The following C11orf58 variants were observed in gnomAD, a reference collection of about 807,000 sequenced individuals.
The protein encoded by C11orf58 is chromosome 11 open reading frame 58.
A neutral mutation model predicts 22.7 loss-of-function variants in C11orf58; 5 were observed. The observed-to-expected ratio is 0.22, with a 90% CI of 0.12 to 0.46. C11orf58 has a LOEUF of 0.46. C11orf58 is among the 20% of genes least tolerant of loss of function. C11orf58 has a pLI of 0.99. For missense variants in C11orf58, 151 were observed against 223.3 expected (o/e 0.68, Z 2.06); for synonymous variants, 71 against 70.7 (o/e 1.00, Z -0.02).
In C11orf58 at chr11:16,748,173, GTAATTAAAATGGAAGTGC is replaced by G; in HGVS notation, c.208+20_208+37del. 1 of 1,599,348 alleles carries G rather than the reference GTAATTAAAATGGAAGTGC, an allele frequency of 6.3e-7. No individual in the cohort carries two copies. The highest frequency in any genetic ancestry group is 8.6e-7 in the Non-Finnish European group (1 of 1,166,918). On this transcript the variant is annotated intron_variant, in intron 3 of 4. Coordinates refer to ENST00000228136, the MANE Select transcript of C11orf58 (RefSeq NM_014267.6). ...TTCCGAACCGGTAAGAAAGTAAAGT[GTAATTAAAATGGAAGTGC>G]TAAATTCAGAATATGAAGTATGTGT...
chr11:16,738,964 C>A, intron 1 of C11orf58, 123 bp downstream of exon 1: 1 of 1,046,592 alleles, frequency 9.6e-7, no homozygotes, highest in Non-Finnish European at 1.4e-6. Flanking sequence ...AGGGAAGAAA[C>A]CAGAAGAATG....
chr11:16,741,058 T>C (rs1027278620), intron 1 of C11orf58, among the ~76,000 whole-genome samples: 1 of 147,994 alleles, frequency 6.8e-6, no homozygotes, highest in African/African-American at 2.5e-5. Flanking sequence ...ATGGCGCCAC[T>C]GCACTCCAGC....
At chr11:16,745,143 G>A (rs541927962) in intron 2 of C11orf58, among the ~76,000 whole-genome samples, 1 of 152,168 alleles carries the variant, frequency 6.6e-6, no homozygotes, top group African/African-American at 2.4e-5. Context: ...CACTTTCAGA[G>A]ATTATTTCTA....
chr11:16,756,883 G>C lies in C11orf58; in HGVS notation c.*1779G>C, dbSNP rs1196643114. 1 of 125,258 alleles carries C rather than the reference G, an allele frequency of 8.0e-6. No individual in the cohort carries two copies. The highest frequency in any genetic ancestry group is 1.7e-5 in the Non-Finnish European group (1 of 58,016). The allele number at this position is 125,258 out of a possible 1,614,324, so 7.8% of individuals were successfully genotyped here. Reference sequence around the variant, plus strand: ...AGATCACCCCATTGCACTCCAGCCTGGGCAACAAGAGCAAAACTCCATCTC... The same window carrying C: ...AGATCACCCCATTGCACTCCAGCCTCGGCAACAAGAGCAAAACTCCATCTC... On this transcript the variant is annotated 3_prime_UTR_variant, in exon 5 of 5. Transcript: ENST00000228136.
In C11orf58 at chr11:16,754,547, CTTTTTTTTTTTTTTTTTTTTTTT is replaced by C. The variant is rs573626223; in HGVS notation, c.319-308_319-286del. 3.2e-3 allele frequency among the ~76,000 whole-genome samples: 100 copies of C among 31,500 alleles called. 1 individual carries two copies. The highest frequency in any genetic ancestry group is 4.3e-3 in the Non-Finnish European group (65 of 15,290). 20.7% of individuals were successfully genotyped at this position (31,500 alleles called of 152,430 possible). On this transcript the variant is annotated intron_variant, in intron 4 of 4. Transcript: ENST00000228136. ...TTTTAGTTTCTCTCTCTCTCTCTCC[CTTTTTTTTTTTTTTTTTTTTTTT>C]TTTTTTTTTTTTTTTAAGAGACAGG... is the stretch of plus-strand genomic sequence containing the variant.
At chr11:16,750,259 AG>A (rs1181604102) in intron 3 of C11orf58, 1 of 152,282 alleles carries the variant, frequency 6.6e-6, no homozygotes, top group Non-Finnish European at 1.5e-5. Flanking sequence ...AACCTTTAAA[AG>A]TGCTTCACCA....
At chr11:16,743,028 C>T (rs542896889) in intron 1 of C11orf58, among the ~76,000 whole-genome samples, 4 of 152,110 alleles carry the variant, frequency 2.6e-5, no homozygotes, top group East Asian at 1.9e-4. Flanking sequence ...AAACCTGTCT[C>T]GGATTTGCAT....
At chr11:16,743,362 C>T (rs1209945366) in intron 1 of C11orf58, among the ~76,000 whole-genome samples, 1 of 152,172 alleles carries the variant, frequency 6.6e-6, no homozygotes, top group Non-Finnish European at 1.5e-5. Context: ...TGAAGTCCTT[C>T]CTGCTGATGG....
rs1332497174 is a variant in C11orf58, at chr11:16,757,123, A to G, written c.*2019A>G. Among the ~76,000 whole-genome samples the G allele has an allele frequency of 9.4e-6, 1 of 105,834 alleles. No individual in the cohort carries two copies. 69.4% of individuals were successfully genotyped at this position (105,834 alleles called of 152,430 possible). ...TGAATCACTTTATAGTAGACAATAC[A>G]TATGACATTTAACAAATACTTGGTT... On this transcript the variant is annotated 3_prime_UTR_variant, in exon 5 of 5. Coordinates refer to ENST00000228136, the MANE Select transcript of C11orf58 (RefSeq NM_014267.6).
chr11:16,746,268 A>G (rs920361577), intron 2 of C11orf58, among the ~76,000 whole-genome samples: 2 of 152,244 alleles, frequency 1.3e-5, no homozygotes, highest in Non-Finnish European at 2.9e-5. Context: ...AAGCATTTGT[A>G]TAATATCTCA....
chr11:16,749,443 C>T (rs1230432180), intron 3 of C11orf58: 1 of 152,226 alleles, frequency 6.6e-6, no homozygotes, highest in East Asian at 1.9e-4. Flanking sequence ...CACATTTACT[C>T]TTTTAAAACT....
intron 1 of C11orf58, among the ~76,000 whole-genome samples, chr11:16,740,530 TC>T: frequency 6.6e-6 from 1 of 151,720 alleles, no homozygotes; most frequent in Non-Finnish European, 1.5e-5. Flanking sequence ...AACCCCCTCT[TC>T]CCCCACCACC....
intron 2 of C11orf58, among the ~76,000 whole-genome samples, chr11:16,745,881 C>A (rs1292767090): frequency 6.6e-6 from 1 of 152,102 alleles, no homozygotes; most frequent in Non-Finnish European, 1.5e-5. Context: ...TTTTTTTAAG[C>A]ACATTAAAAT....
At chr11:16,754,547 CTTTTTTTTTTTTTT>C (rs573626223) in intron 4 of C11orf58, among the ~76,000 whole-genome samples, 8 of 31,446 alleles carry the variant, frequency 2.5e-4, no homozygotes, top group Non-Finnish European at 3.9e-4. Context: ...CTCTCTCTCC[CTTTTTTTTTTTTTT>C]TTTTTTTTTT....
At chr11:16,742,044 C>T (rs1255669097) in intron 1 of C11orf58, among the ~76,000 whole-genome samples, 2 of 152,196 alleles carry the variant, frequency 1.3e-5, no homozygotes, top group Non-Finnish European at 2.9e-5. Context: ...TCCTGGAGTG[C>T]TGCTTTAAGG....
chr11:16,744,633 G>T lies in C11orf58; in HGVS notation c.96G>T (p.Leu32Phe), dbSNP rs1394029797. ...CTAGCAATTGGGAGGCAGCAGACTTGGGTAATGAAGAGAGAAAACAAAAGT... is the reference window on the plus strand; with the variant it reads ...CTAGCAATTGGGAGGCAGCAGACTTTGGTAATGAAGAGAGAAAACAAAAGT... ...LGSSNWEAAD[L>F]GNEERKQKFL... The change falls in exon 2 of 5, where the codon TTG (leucine) becomes TTT (phenylalanine). Residue 32 changes from leucine to phenylalanine, a missense_variant. Coordinates refer to ENST00000228136, the MANE Select transcript of C11orf58 (RefSeq NM_014267.6). 1 of 1,613,754 alleles carries T rather than the reference G, an allele frequency of 6.2e-7. No individual in the cohort carries two copies. The highest frequency in any genetic ancestry group is 1.3e-5 in the African/African-American group (1 of 74,874).
At chr11:16,740,696 ACAGG>A (rs1848440049) in intron 1 of C11orf58, among the ~76,000 whole-genome samples, 1 of 151,702 alleles carries the variant, frequency 6.6e-6, no homozygotes, top group African/African-American at 2.4e-5. Flanking sequence ...TGCTGGAATT[ACAGG>A]TGTGAGCCAC....
chr11:16,754,086 TTTTA>T, intron 4 of C11orf58: 1 of 399,062 alleles, frequency 2.5e-6, no homozygotes, highest in African/African-American at 2.1e-5. Flanking sequence ...AGGAGAGCTT[TTTTA>T]TTTTTTTTTC....
rs183318293 is a variant in C11orf58 at position 16,746,366 on chromosome 11, A to G, written c.147+1682A>G. Among the ~76,000 whole-genome samples the G allele has an allele frequency of 2.7e-3, 409 of 152,370 alleles. 1 individual carries two copies. The highest frequency in any genetic ancestry group is 6.4e-3 in the South Asian group (31 of 4,830). On this transcript the variant is annotated intron_variant, in intron 2 of 4. Transcript: ENST00000228136. ...ATGCAAATATATTAAGTCCTCACTTAACATCCCTTGTGGTTCTTGGAAACT... is the reference window on the plus strand; with the variant it reads ...ATGCAAATATATTAAGTCCTCACTTGACATCCCTTGTGGTTCTTGGAAACT...
Sources: allele counts gnomAD v4.1 joint callset (sites outside exome capture counted in the v4.1 genomes callset), GRCh38; gene constraint gnomAD v4.1.1; transcripts MANE v1.5; gene names NCBI Gene and HGNC (gene_info 2026-07-23, HGNC 2026-07-21).